AOAH: variants seen among roughly 807,000 people sequenced by gnomAD.
AOAH encodes the protein acyloxyacyl hydrolase.
A neutral mutation model predicts 92.2 loss-of-function variants in AOAH; 64 were observed. The ratio of observed to expected loss-of-function variants is 0.69; its 90% CI spans 0.57 to 0.86. The LOEUF (loss-of-function observed/expected upper bound fraction) is 0.86, where lower values mean the gene tolerates loss of function less well. Ranked by LOEUF, AOAH falls within the 40% of genes least tolerant of loss-of-function variation. The pLI, the probability that AOAH is intolerant of heterozygous loss-of-function variation, is 0.00. For missense variants in AOAH, 656 were observed against 694.6 expected, an observed-to-expected ratio of 0.94 and a Z score of 0.62; for synonymous variants, 263 against 254.5, an observed-to-expected ratio of 1.03 and a Z score of -0.32.
chr7:36,707,956 G>A (rs1798531635), intron 1 of AOAH, among the ~76,000 whole-genome samples: 1 of 151,860 alleles, frequency 6.6e-6, no homozygotes, highest in East Asian at 1.9e-4. Flanking sequence ...ACCACGCTGG[G>A]CTAATTTTTT....
At chr7:36,693,994 T>G (rs941550078) in intron 1 of AOAH, among the ~76,000 whole-genome samples, 2 of 152,230 alleles carry the variant, frequency 1.3e-5, no homozygotes, top group East Asian at 1.9e-4. Context: ...TGGAGTGAAC[T>G]ATCATTGAAC....
chr7:36,575,244 G>A lies in AOAH; in HGVS notation c.1021+1330C>T, dbSNP rs77244665. ...GCCGATCTCTTTCTGCAGATCATCT[G>A]GGATCATAGCCCAATGACTGTATTA... On this transcript the variant is annotated intron_variant, in intron 13 of 20. Coordinates refer to ENST00000617537, the MANE Select transcript of AOAH (RefSeq NM_001637.4). Among the ~76,000 whole-genome samples, 1,141 of 152,254 alleles carry A rather than the reference G, an allele frequency of 7.5e-3. 7 individuals carry two copies. Among genetic ancestry groups the A allele is most frequent in the Non-Finnish European group, 0.012 (812 of 68,026 alleles).
intron 16 of AOAH, among the ~76,000 whole-genome samples, chr7:36,537,251 T>C (rs558997489): frequency 2.0e-5 from 3 of 151,520 alleles, no homozygotes; most frequent in African/African-American, 4.8e-5. Flanking sequence ...TTTTTTTTTT[T>C]CCAAAACTAC....
intron 5 of AOAH, among the ~76,000 whole-genome samples, chr7:36,633,936 G>A (rs74779693): frequency 0.03 from 4,591 of 152,230 alleles, 111 homozygotes; most frequent in Non-Finnish European, 0.047. Context: ...CCAGATGCCC[G>A]CCGCACAAAT....
At chr7:36,610,796 G>C (rs558042370) in intron 11 of AOAH, among the ~76,000 whole-genome samples, 38 of 152,210 alleles carry the variant, frequency 2.5e-4, no homozygotes, top group African/African-American at 8.4e-4. Context: ...TGGTGGACAG[G>C]GCACAGATTG....
At chr7:36,641,927 C>T (rs1188319842) in intron 4 of AOAH, among the ~76,000 whole-genome samples, 2 of 152,138 alleles carry the variant, frequency 1.3e-5, no homozygotes, top group East Asian at 1.9e-4. Context: ...TATATAGCCA[C>T]GGTGGCTCAC....
At chr7:36,635,899 G>A (rs1325911346) in intron 5 of AOAH, among the ~76,000 whole-genome samples, 1 of 152,160 alleles carries the variant, frequency 6.6e-6, no homozygotes, top group East Asian at 1.9e-4. Flanking sequence ...CATAACTCAG[G>A]TGCTCTTAGA....
At chr7:36,717,159 G>A (rs1168220409) in intron 1 of AOAH, among the ~76,000 whole-genome samples, 2 of 152,200 alleles carry the variant, frequency 1.3e-5, no homozygotes, top group Middle Eastern at 3.4e-3. Context: ...TTATGGCCAC[G>A]TCCTCAGGTC....
At chr7:36,604,959 G>A (rs1215175786) in intron 11 of AOAH, among the ~76,000 whole-genome samples, 1 of 152,196 alleles carries the variant, frequency 6.6e-6, no homozygotes, top group Admixed American at 6.5e-5. Context: ...GTCAGGCTTA[G>A]TGATGCTATC....
intron 1 of AOAH, among the ~76,000 whole-genome samples, chr7:36,706,960 A>G (rs1798453187): frequency 6.6e-6 from 1 of 152,074 alleles, no homozygotes; most frequent in African/African-American, 2.4e-5. Context: ...CTCCACATCA[A>G]TGATAAGGCT....
At chr7:36,621,234 C>A (rs1792255775) in intron 8 of AOAH, among the ~76,000 whole-genome samples, 1 of 152,200 alleles carries the variant, frequency 6.6e-6, no homozygotes, top group Admixed American at 6.5e-5. Flanking sequence ...GCTAGCATAT[C>A]TGTTTTTTGA....
chr7:36,517,455 A>G (rs1213254072), intron 20 of AOAH, among the ~76,000 whole-genome samples: 1 of 151,418 alleles, frequency 6.6e-6, no homozygotes, highest in East Asian at 1.9e-4. Flanking sequence ...CATAGTCTAA[A>G]ATATTAAAGG....
chr7:36,674,972 C>T lies in AOAH; in HGVS notation c.224-963G>A, dbSNP rs191349392. 9.3e-4 allele frequency among the ~76,000 whole-genome samples: 141 copies of T among 152,332 alleles called. 1 individual carries two copies. Among genetic ancestry groups the T allele is most frequent in the African/African-American group, 3.1e-3 (128 of 41,586 alleles). On this transcript the variant is annotated intron_variant, in intron 2 of 20. Transcript: ENST00000617537. ...TACGAGACTTTAAATACACTGTGCT[C>T]GGCTGGGTGCAGCGGCTCACGCCTG...
chr7:36,565,699 ATTTTTT>A (rs1181901020), intron 13 of AOAH, among the ~76,000 whole-genome samples: 8 of 145,264 alleles, frequency 5.5e-5, no homozygotes. Flanking sequence ...CAACTGGCTG[ATTTTTT>A]TTTTTTATTT....
At chr7:36,553,569 T>C (rs575956437) in intron 13 of AOAH, among the ~76,000 whole-genome samples, 11 of 152,256 alleles carry the variant, frequency 7.2e-5, no homozygotes, top group Non-Finnish European at 1.3e-4. Context: ...CACGCTGATT[T>C]CCACAATGGT....
intron 1 of AOAH, among the ~76,000 whole-genome samples, chr7:36,689,436 AG>A (rs1797250927): frequency 6.6e-6 from 1 of 152,122 alleles, no homozygotes; most frequent in Non-Finnish European, 1.5e-5. Context: ...GTGTCTGGTG[AG>A]GGCTTGCTCT....
chr7:36,718,032 T>G (rs1489987231), intron 1 of AOAH, among the ~76,000 whole-genome samples: 5 of 152,042 alleles, frequency 3.3e-5, no homozygotes, highest in African/African-American at 1.2e-4. Context: ...AAACACAGAA[T>G]GGGAGAAAAT....
intron 1 of AOAH, among the ~76,000 whole-genome samples, chr7:36,705,535 T>C (rs989769416): frequency 1.3e-5 from 2 of 152,140 alleles, no homozygotes; most frequent in African/African-American, 4.8e-5. Context: ...GAAGAGTCAA[T>C]ATCGTGAAAA....
intron 1 of AOAH, among the ~76,000 whole-genome samples, chr7:36,707,358 C>A (rs556685056): frequency 1.3e-5 from 2 of 151,902 alleles, no homozygotes; most frequent in South Asian, 4.2e-4. Flanking sequence ...CATGGCACCC[C>A]GAAACAATTA....
Sources: gnomAD v4.1 joint callset for allele counts (sites outside exome capture counted in the v4.1 genomes callset) on GRCh38, gnomAD v4.1.1 for gene constraint, MANE v1.5 for transcripts, NCBI Gene and HGNC (gene_info 2026-07-23, HGNC 2026-07-21) for gene names.